GABRG3: variants seen among roughly 807,000 people sequenced by gnomAD.
GABRG3 encodes gamma-aminobutyric acid receptor subunit gamma-3.
GABRG3 carries 25 observed loss-of-function variants against 48.8 expected under a neutral mutation model. The ratio of observed to expected loss-of-function variants is 0.51; its 90% CI spans 0.37 to 0.72. The LOEUF (loss-of-function observed/expected upper bound fraction) is 0.72, where lower values mean the gene tolerates loss of function less well. GABRG3 is among the 30% of genes least tolerant of loss of function. GABRG3 has a pLI of 0.00. For synonymous variants in GABRG3, 227 were observed against 217.6 expected, an observed-to-expected ratio of 1.04 and a Z score of -0.38; for missense variants, 394 against 577.9, an observed-to-expected ratio of 0.68 and a Z score of 3.26.
Position 27,306,994 on chromosome 15 carries a change from ATATATAAACATG to A in GABRG3, c.271-19810_271-19799del, listed in dbSNP as rs1177768818. Among the ~76,000 whole-genome samples, 11 of 115,752 alleles carry A rather than the reference ATATATAAACATG, an allele frequency of 9.5e-5. 4 individuals carry two copies. The highest frequency in any genetic ancestry group is 1.7e-4 in the Admixed American group (2 of 11,472). The allele number at this position is 115,752 out of a possible 152,430, so 75.9% of individuals were successfully genotyped here. A position where few individuals can be genotyped will look rare whatever the true frequency, so the allele number is the denominator to read the frequency against. On this transcript the variant is annotated intron_variant, in intron 3 of 9. Transcript: ENST00000615808. ...AAACATATATAATATAAACATGTTT[ATATATAAACATG>A]TATAAACATGTTTATATATAAACAT...
At chr15:27,424,177 T>C (rs1004232763) in intron 5 of GABRG3, among the ~76,000 whole-genome samples, 7 of 152,140 alleles carry the variant, frequency 4.6e-5, no homozygotes, top group Admixed American at 1.3e-4. Context: ...TAGTTTATGC[T>C]AACAGTGTGA....
intron 7 of GABRG3, 102 bp downstream of exon 7, chr15:27,520,226 C>A: frequency 8.5e-7 from 1 of 1,183,210 alleles, no homozygotes; most frequent in South Asian, 1.4e-5. Flanking sequence ...TGTGAATGAT[C>A]TCATTTGAGG....
chr15:27,307,095 TAATATAAACATGTTTATATATAAAC>T (rs1229130117), intron 3 of GABRG3, among the ~76,000 whole-genome samples: 2 of 124,798 alleles, frequency 1.6e-5, no homozygotes, highest in African/African-American at 7.3e-5. Flanking sequence ...TATAAACATA[TAATATAAACATGTTTATATATAAAC>T]ATAATATAAA....
intron 3 of GABRG3, among the ~76,000 whole-genome samples, chr15:27,224,189 G>T (rs1027041234): frequency 1.3e-5 from 2 of 152,156 alleles, no homozygotes; most frequent in East Asian, 1.9e-4. Flanking sequence ...TGGGGGTGCC[G>T]CATGTTTTCA....
chr15:27,522,867 A>G (rs948071080), intron 7 of GABRG3, among the ~76,000 whole-genome samples: 1 of 151,954 alleles, frequency 6.6e-6, no homozygotes, highest in Non-Finnish European at 1.5e-5. Context: ...ATATTTAAAT[A>G]TACTTCTATC....
intron 5 of GABRG3, among the ~76,000 whole-genome samples, chr15:27,437,030 A>AGAGAGC (rs1595753900): frequency 1.4e-5 from 2 of 146,696 alleles, no homozygotes; most frequent in South Asian, 4.3e-4. Context: ...AGAGAGAGAG[A>AGAGAGC]GAGCGCCCAC....
chr15:27,509,433 T>G (rs1890844527), intron 6 of GABRG3, among the ~76,000 whole-genome samples: 1 of 152,236 alleles, frequency 6.6e-6, no homozygotes, highest in Non-Finnish European at 1.5e-5. Flanking sequence ...TTTCTTCAAA[T>G]ATATTGTTTT....
At chr15:27,034,046 T>A (rs1414405046) in intron 3 of GABRG3, among the ~76,000 whole-genome samples, 1 of 152,204 alleles carries the variant, frequency 6.6e-6, no homozygotes, top group Non-Finnish European at 1.5e-5. Flanking sequence ...TAACAGGATC[T>A]CCAGATCATT....
At chr15:27,407,918 C>T (rs1887685675) in intron 5 of GABRG3, among the ~76,000 whole-genome samples, 2 of 152,144 alleles carry the variant, frequency 1.3e-5, no homozygotes, top group Admixed American at 1.3e-4. Flanking sequence ...TGTCCAGATC[C>T]ATAGAATGTA....
chr15:27,152,299 A>T (rs1412405179), intron 3 of GABRG3, among the ~76,000 whole-genome samples: 1 of 152,102 alleles, frequency 6.6e-6, no homozygotes, highest in Non-Finnish European at 1.5e-5. Flanking sequence ...ATATTTGGGG[A>T]TGGAGGTCTT....
intron 5 of GABRG3, among the ~76,000 whole-genome samples, chr15:27,383,944 G>A (rs1404467853): frequency 2.0e-5 from 3 of 152,150 alleles, no homozygotes; most frequent in Non-Finnish European, 4.4e-5. Context: ...TGTTGGTGGA[G>A]GCCAAACAAC....
chr15:27,519,454 TATAC>T (rs1420047859), intron 6 of GABRG3, among the ~76,000 whole-genome samples: 1 of 151,918 alleles, frequency 6.6e-6, no homozygotes, highest in Non-Finnish European at 1.5e-5. Context: ...ATCAGATAAA[TATAC>T]ATACATTAAT....
rs1894675302 is a variant in GABRG3 at position 27,352,904 on chromosome 15, C to T, written c.574+24016C>T. Among the ~76,000 whole-genome samples the T allele has an allele frequency of 6.6e-6, 1 of 152,152 alleles. No homozygotes were observed. The highest frequency in any genetic ancestry group is 2.1e-4 in the South Asian group (1 of 4,832). ...TGGTAAGTCATTGCATCTGCATTAT[C>T]TTATCATCACGATTGCTGACAATGA... On this transcript the variant is annotated intron_variant, in intron 5 of 9. Coordinates refer to ENST00000615808, the MANE Select transcript of GABRG3 (RefSeq NM_033223.5). This position sits in a 1 kb window ranked among gnomAD's most constrained non-coding sequence, Gnocchi z 4.0.
chr15:27,515,510 T>A (rs1890998022), intron 6 of GABRG3, among the ~76,000 whole-genome samples: 2 of 152,322 alleles, frequency 1.3e-5, no homozygotes, highest in African/African-American at 4.8e-5. Context: ...TGCTTGCTAA[T>A]CTCCAGGCCT....
chr15:27,374,319 A>G (rs562879273), intron 5 of GABRG3, among the ~76,000 whole-genome samples: 1 of 151,538 alleles, frequency 6.6e-6, no homozygotes, highest in South Asian at 2.1e-4. Context: ...TTTTTGTAGC[A>G]ACTGTTTCAC....
chr15:27,496,852 T>C (rs1229083011), intron 6 of GABRG3, among the ~76,000 whole-genome samples: 1 of 152,214 alleles, frequency 6.6e-6, no homozygotes, highest in East Asian at 1.9e-4. Flanking sequence ...TAGACAATGT[T>C]TATGCTTTGT....
At chr15:27,498,673 G>A (rs1342298537) in intron 6 of GABRG3, among the ~76,000 whole-genome samples, 1 of 151,906 alleles carries the variant, frequency 6.6e-6, no homozygotes, top group Non-Finnish European at 1.5e-5. Context: ...TGTGTTTTTA[G>A]TAGAGACAGG....
At chr15:27,325,762 A>T (rs1055637553) in intron 3 of GABRG3, among the ~76,000 whole-genome samples, 2 of 152,218 alleles carry the variant, frequency 1.3e-5, no homozygotes, top group Admixed American at 1.3e-4. Context: ...GCATTAGTTA[A>T]TGAAAGACCA....
At chr15:27,374,071 C>T (rs9708085) in intron 5 of GABRG3, among the ~76,000 whole-genome samples, 76,890 of 149,688 alleles carry the variant, frequency 0.51, 21,520 homozygotes, top group African/African-American at 0.75. Context: ...AAATGCAATT[C>T]TAATTATCTT....
Sources: gnomAD v4.1 joint callset for allele counts (sites outside exome capture counted in the v4.1 genomes callset) on GRCh38, gnomAD v4.1.1 for gene constraint, Gnocchi (gnomAD v3.1) non-coding constraint, MANE v1.5 for transcripts, NCBI Gene and HGNC (gene_info 2026-07-23, HGNC 2026-07-21) for gene names.